Variants in TEKT3 observed in about 807,000 individuals in gnomAD.
TEKT3 encodes tektin 3.
Under a neutral mutation model 49.8 loss-of-function variants are expected in TEKT3, and 49 were observed. The ratio of observed to expected loss-of-function variants is 0.98; its 90% CI spans 0.78 to 1.25. TEKT3 has a LOEUF of 1.25. Among genes scored for constraint, TEKT3 ranks in the 50% most tolerant of loss-of-function variants. The probability of loss-of-function intolerance (pLI) is 0.00; values close to 1 mark genes in which losing one functional copy is unlikely to be tolerated. For missense variants in TEKT3, 595 were observed against 629.5 expected (o/e 0.95, Z 0.59); for synonymous variants, 225 against 237.2 (o/e 0.95, Z 0.47).
At chr17:15,330,293 A>G (rs1301953864) in intron 3 of TEKT3, among the ~76,000 whole-genome samples, 1 of 152,154 alleles carries the variant, frequency 6.6e-6, no homozygotes, top group Non-Finnish European at 1.5e-5. Context: ...AAGAGATAAG[A>G]TGGTCATATG....
upstream of TEKT3, chr17:15,341,741 G>A (rs1912241978): frequency 6.6e-6 from 1 of 152,280 alleles, no homozygotes; most frequent in Admixed American, 6.5e-5. Context: ...CAGGCCAGGA[G>A]GGAAACCCGT....
rs568479936 is a variant in TEKT3 at position 15,341,533 on chromosome 17, C to G, written c.-79G>C. The stretch of plus-strand genomic sequence containing the variant: ...GACCACTCACCTGTCGGCGGATGCC[C>G]GGCGAGGGGCGGGAAGGGGCTGTGG... On this transcript the variant is annotated 5_prime_UTR_variant, in exon 1 of 9. Transcript: ENST00000395930. 1 of 152,514 alleles carries G rather than the reference C, an allele frequency of 6.6e-6. No homozygotes were observed. Among genetic ancestry groups the G allele is most frequent in the South Asian group, 2.1e-4 (1 of 4,828 alleles). The allele number at this position is 152,514 out of a possible 1,614,324, so 9.4% of individuals were successfully genotyped here.
At position 15,331,582 on chromosome 17, in the gene TEKT3, C is replaced by T. The variant is rs139229306; in HGVS notation, c.4G>A (p.Glu2Lys). The T allele has an allele frequency of 9.4e-4, 1,510 of 1,605,046 alleles. 20 individuals are homozygous for T. In the East Asian group the frequency reaches 0.03, roughly 32 times the overall value. Residue 2 changes from glutamate to lysine, a missense_variant, in exon 3 of 9, where the codon GAA (glutamate) becomes AAA (lysine). Transcript: ENST00000395930. Reference protein sequence around the residue: MERVGCTLTTTY... With the variant: MKRVGCTLTTTY... ...GTCGTTAAAGTACAACCTACACGTTCCATGATGCCAAAACACTATTTGTAA... is the reference window on the plus strand; with the variant it reads ...GTCGTTAAAGTACAACCTACACGTTTCATGATGCCAAAACACTATTTGTAA...
intron 5 of TEKT3, among the ~76,000 whole-genome samples, chr17:15,318,376 A>G (rs1911111599): frequency 6.6e-6 from 1 of 152,154 alleles, no homozygotes; most frequent in Non-Finnish European, 1.5e-5. Context: ...TTAGAGCTGA[A>G]CAAGTATAAG....
At chr17:15,334,894 A>G (rs189709728) in intron 2 of TEKT3, among the ~76,000 whole-genome samples, 3 of 152,354 alleles carry the variant, frequency 2.0e-5, no homozygotes, top group Admixed American at 2.0e-4. Flanking sequence ...TCATGAACTA[A>G]GAAATACTTA....
intron 7 of TEKT3, among the ~76,000 whole-genome samples, chr17:15,310,157 C>A (rs1910710460): frequency 6.6e-6 from 1 of 152,236 alleles, no homozygotes; most frequent in African/African-American, 2.4e-5. Context: ...GAAACAACTG[C>A]TCCTTCTTGT....
intron 7 of TEKT3, chr17:15,311,512 T>G (rs764354153): frequency 2.6e-5 from 4 of 152,206 alleles, no homozygotes; most frequent in Non-Finnish European, 5.9e-5. Context: ...TATTGAATGT[T>G]TCCAATCCAA....
At chr17:15,313,278 T>C (rs1404143062) in intron 6 of TEKT3, among the ~76,000 whole-genome samples, 1 of 152,228 alleles carries the variant, frequency 6.6e-6, no homozygotes, top group Non-Finnish European at 1.5e-5. Context: ...ATATTTCAAC[T>C]GCGTGCATTG....
chr17:15,332,468 G>C (rs938646893), intron 2 of TEKT3, among the ~76,000 whole-genome samples: 35 of 152,234 alleles, frequency 2.3e-4, no homozygotes, highest in African/African-American at 7.7e-4. Context: ...TCCTTCTTTG[G>C]ACTGTTGTGA....
chr17:15,312,373 C>G lies in TEKT3; in HGVS notation c.987G>C (p.Leu329Phe). 6.2e-7 allele frequency: 1 copy of G among 1,614,176 alleles called. No individual in the cohort carries two copies. The highest frequency in any genetic ancestry group is 2.2e-5 in the East Asian group (1 of 44,888). The change falls in exon 7 of 9, where the codon TTG becomes TTC. Residue 329 changes from leucine (L) to phenylalanine (F), a missense_variant. Coordinates refer to ENST00000395930, the MANE Select transcript of TEKT3 (RefSeq NM_031898.3). ...AKLRDDIENL[L>F]VVTANEMWNQ... ...TCCACATCTCATTGGCAGTCACAAC[C>G]AAGAGGTTTTCAATGTCGTCTCTTA... is the stretch of plus-strand genomic sequence containing the variant.
intron 6 of TEKT3, among the ~76,000 whole-genome samples, chr17:15,313,591 C>G (rs1448277035): frequency 6.6e-6 from 1 of 151,970 alleles, no homozygotes; most frequent in East Asian, 1.9e-4. Context: ...CTCACTGCAA[C>G]CTCTCCTTCC....
At chr17:15,306,961 G>C (rs546772883) in intron 8 of TEKT3, 3 of 152,166 alleles carry the variant, frequency 2.0e-5, no homozygotes, top group Non-Finnish European at 2.9e-5. Context: ...ATGAAGAGGG[G>C]TTCTATGGAA....
chr17:15,342,462 G>T (rs1912265227), upstream of TEKT3, among the ~76,000 whole-genome samples: 1 of 152,142 alleles, frequency 6.6e-6, no homozygotes, highest in Non-Finnish European at 1.5e-5. Context: ...GCTTTTCTGG[G>T]AATCACTGTG....
Position 15,304,155 on chromosome 17 carries a change from G to T in TEKT3, c.1257-3C>A. 1 of 1,614,118 alleles carries T rather than the reference G, an allele frequency of 6.2e-7. No individual in the cohort carries two copies. Among genetic ancestry groups the T allele is most frequent in the Non-Finnish European group, 8.5e-7 (1 of 1,180,010 alleles). On this transcript the variant is annotated splice_polypyrimidine_tract_variant and splice_region_variant and intron_variant, in intron 8 of 8. Coordinates refer to ENST00000395930, the MANE Select transcript of TEKT3 (RefSeq NM_031898.3). The surrounding 1 kb of genome is among the most constrained non-coding windows in gnomAD (Gnocchi z 4.7). ...CCTCGTGTACCTCGTTAACAAGGCT[G>T]CAGCATAAAGGAATCAGCATGGTTA...
At chr17:15,338,795 C>A (rs898788472) in intron 2 of TEKT3, among the ~76,000 whole-genome samples, 39 of 150,238 alleles carry the variant, frequency 2.6e-4, no homozygotes, top group Non-Finnish European at 4.7e-4. Context: ...GGATTACAGG[C>A]GTGAGCCACC....
At chr17:15,310,273 T>C (rs574200109) in intron 7 of TEKT3, among the ~76,000 whole-genome samples, 1 of 152,356 alleles carries the variant, frequency 6.6e-6, no homozygotes, top group South Asian at 2.1e-4. Flanking sequence ...GTGAGATGTA[T>C]GTACATCCCC....
intron 2 of TEKT3, among the ~76,000 whole-genome samples, chr17:15,334,471 C>T (rs1285986460): frequency 6.6e-6 from 1 of 152,196 alleles, no homozygotes; most frequent in Non-Finnish European, 1.5e-5. Context: ...ATATAGGCAT[C>T]TTGAGACGTC....
At chr17:15,322,897 T>C (rs1911327132) in intron 4 of TEKT3, among the ~76,000 whole-genome samples, 1 of 152,220 alleles carries the variant, frequency 6.6e-6, no homozygotes, top group African/African-American at 2.4e-5. Context: ...TCCTTGAGTA[T>C]AGTGAGCAGA....
chr17:15,329,665 C>T (rs1275832193), intron 3 of TEKT3, among the ~76,000 whole-genome samples: 1 of 152,100 alleles, frequency 6.6e-6, no homozygotes, highest in African/African-American at 2.4e-5. Context: ...GGATTGTGTG[C>T]CTCTGTATGT....
Sources: allele counts gnomAD v4.1 joint callset (sites outside exome capture counted in the v4.1 genomes callset), GRCh38; gene constraint gnomAD v4.1.1; non-coding constraint Gnocchi (gnomAD v3.1); transcripts MANE v1.5; gene names NCBI Gene and HGNC (gene_info 2026-07-23, HGNC 2026-07-21).